The following PCBP2 variants were observed in gnomAD, a reference collection of about 807,000 sequenced individuals.
PCBP2 encodes poly(rC) binding protein 2, also known as poly(rC)-binding protein 2.
PCBP2 carries 4 observed loss-of-function variants against 50.1 expected under a neutral mutation model. The observed-to-expected ratio is 0.08, with a 90% CI of 0.04 to 0.18. The LOEUF is 0.18. Ranked by LOEUF, PCBP2 falls within the 10% of genes least tolerant of loss-of-function variation. PCBP2 has a pLI of 1.00. For synonymous variants in PCBP2, 179 were observed against 168.0 expected, an observed-to-expected ratio of 1.07 and a Z score of -0.51; for missense variants, 161 against 474.3, an observed-to-expected ratio of 0.34 and a Z score of 6.14.
Position 53,480,198 on chromosome 12 carries a change from T to C in PCBP2, c.*756T>C, listed in dbSNP as rs1592701792. 1 of 152,230 alleles carries C rather than the reference T, an allele frequency of 6.6e-6. No individual in the cohort carries two copies. The highest frequency in any genetic ancestry group is 2.1e-4 in the South Asian group (1 of 4,836). 9.4% of individuals were successfully genotyped at this position (152,230 alleles called of 1,614,324 possible). The stretch of plus-strand genomic sequence containing the variant: ...TGACTGGGTTCCAGTTTCTTGGGAA[T>C]GTTGGTCCCCTTGTTCAGGCTTGCA... On this transcript the variant is annotated 3_prime_UTR_variant, in exon 15 of 15. Transcript: ENST00000546463.
chr12:53,457,698 T>G (rs1020586012), intron 5 of PCBP2, among the ~76,000 whole-genome samples: 11 of 152,172 alleles, frequency 7.2e-5, no homozygotes, highest in African/African-American at 2.7e-4. Context: ...ACAAACTGTT[T>G]ATTCCTTAAC....
rs952108319 is a variant in PCBP2, at chr12:53,465,059, ATTTT to A, written c.672+214_672+217del. 5 of 385,704 alleles carry A rather than the reference ATTTT, an allele frequency of 1.3e-5. 1 individual carries two copies. In the South Asian group the frequency reaches 4.2e-4, roughly 33 times the overall value. 23.9% of individuals were successfully genotyped at this position (385,704 alleles called of 1,614,324 possible). A position where few individuals can be genotyped will look rare whatever the true frequency, so the allele number is the denominator to read the frequency against. ...AACACCAACTTTTTTTTTTTTTTTA[ATTTT>A]TTTTTTGTTCAACCCCTCTTCCCCT... On this transcript the variant is annotated intron_variant, in intron 9 of 14. Transcript: ENST00000546463.
At chr12:53,462,646 C>G (rs1941526807) in intron 8 of PCBP2, 79 bp downstream of exon 8, 2 of 1,160,844 alleles carry the variant, frequency 1.7e-6, no homozygotes, top group Admixed American at 3.7e-5. Flanking sequence ...TCACACCAAG[C>G]CACTCTGCAT....
At chr12:53,478,769 G>A (rs1942838443) in intron 14 of PCBP2, among the ~76,000 whole-genome samples, 1 of 152,142 alleles carries the variant, frequency 6.6e-6, no homozygotes, top group South Asian at 2.1e-4. Context: ...TCACATCACT[G>A]TACTCTAGCC....
At chr12:53,461,568 T>C (rs1012054813) in intron 7 of PCBP2, among the ~76,000 whole-genome samples, 2 of 152,202 alleles carry the variant, frequency 1.3e-5, no homozygotes, top group African/African-American at 2.4e-5. Context: ...GAAAAATGTA[T>C]GTATGATGAT....
At chr12:53,477,680 A>AC (rs1408874069) in intron 14 of PCBP2, among the ~76,000 whole-genome samples, 1 of 149,906 alleles carries the variant, frequency 6.7e-6, no homozygotes, top group Non-Finnish European at 1.5e-5. Context: ...AAAAAAAAAA[A>AC]AAAAAAAAAA....
Position 53,479,476 on chromosome 12 carries a change from T to A in PCBP2, c.*34T>A, listed in dbSNP as rs1362002520. On this transcript the variant is annotated 3_prime_UTR_variant, in exon 15 of 15. Coordinates refer to ENST00000546463, the MANE Select transcript of PCBP2 (RefSeq NM_031989.5). ...AGATTCATCCATAATCCCTTTCTGC[T>A]GTTCACCACCACCCATGATCCATCT... 1 of 1,585,256 alleles carries A rather than the reference T, an allele frequency of 6.3e-7. No homozygotes were observed. The highest frequency in any genetic ancestry group is 8.7e-7 in the Non-Finnish European group (1 of 1,154,716).
intron 1 of PCBP2, among the ~76,000 whole-genome samples, chr12:53,453,486 A>G (rs1029096017): frequency 1.3e-5 from 2 of 152,194 alleles, no homozygotes; most frequent in Admixed American, 1.3e-4. Flanking sequence ...AATCACTTAC[A>G]TTCTTGGAGT....
chr12:53,465,298 G>C lies in PCBP2; in HGVS notation c.672+446G>C, dbSNP rs776898760. Among the ~76,000 whole-genome samples, 33 of 151,834 alleles carry C rather than the reference G, an allele frequency of 2.2e-4. 1 individual carries two copies. The highest frequency in any genetic ancestry group is 4.2e-4 in the South Asian group (2 of 4,808). ...CTCCCTTTTTGGGAGGTTATGTTGT[G>C]GGGGGGAGGAGGGCATAGTGGGAGC... On this transcript the variant is annotated intron_variant, in intron 9 of 14. Coordinates refer to ENST00000546463, the MANE Select transcript of PCBP2 (RefSeq NM_031989.5).
chr12:53,455,668 G>A (rs143818376), intron 4 of PCBP2, among the ~76,000 whole-genome samples, 175 bp downstream of exon 4: 516 of 152,066 alleles, frequency 3.4e-3, no homozygotes, highest in Admixed American at 7.1e-3. Flanking sequence ...CCCTTTTTGG[G>A]AAGTGTGGTT....
At position 53,467,867 on chromosome 12, in the gene PCBP2, CTG is replaced by C; in HGVS notation, c.826+26_826+27del. 4 of 1,447,272 alleles carry C rather than the reference CTG, an allele frequency of 2.8e-6. No homozygotes were observed. The South Asian group carries it at 4.6e-5, about 17-fold the overall frequency. The allele number at this position is 1,447,272 out of a possible 1,614,324, so 89.7% of individuals were successfully genotyped here. On this transcript the variant is annotated intron_variant, in intron 12 of 14. Transcript: ENST00000546463. The stretch of plus-strand genomic sequence containing the variant: ...GGGTAATGATTAAAAAAAAAAAAAT[CTG>C]TAGTATTCTACTGTTATATTAATAA...
intron 13 of PCBP2, among the ~76,000 whole-genome samples, chr12:53,471,371 A>G (rs1942221739): frequency 6.6e-6 from 1 of 151,658 alleles, no homozygotes; most frequent in South Asian, 2.1e-4. Context: ...CAAGGTCAAG[A>G]GATTGAGACC....
In PCBP2 at chr12:53,454,712, T is replaced by C. The variant is rs1940860221; in HGVS notation, c.-75-14T>C. 2 of 942,528 alleles carry C rather than the reference T, an allele frequency of 2.1e-6. No individual in the cohort carries two copies. Among genetic ancestry groups the C allele is most frequent in the Admixed American group, 3.7e-5 (2 of 54,462 alleles). The allele number at this position is 942,528 out of a possible 1,614,324, so 58.4% of individuals were successfully genotyped here. A position where few individuals can be genotyped will look rare whatever the true frequency, so the allele number is the denominator to read the frequency against. On this transcript the variant is annotated splice_polypyrimidine_tract_variant and intron_variant, in intron 1 of 14. Coordinates refer to ENST00000546463, the MANE Select transcript of PCBP2 (RefSeq NM_031989.5). ...TGTTTTCCTCCTCTGATTTTGGTCA[T>C]GTTTGCATTTTAGTTTTTGGCTTTC...
intron 9 of PCBP2, 116 bp from the exon 10 acceptor site, chr12:53,465,816 C>T (rs1302745760): frequency 2.6e-6 from 2 of 772,656 alleles, no homozygotes; most frequent in Non-Finnish European, 4.5e-6. Flanking sequence ...AATCTCTGGC[C>T]TCCCCCATTC....
chr12:53,457,479 G>T (rs920497200), intron 5 of PCBP2, among the ~76,000 whole-genome samples: 4 of 152,008 alleles, frequency 2.6e-5, no homozygotes, highest in Non-Finnish European at 4.4e-5. Flanking sequence ...CCCAGTAGGT[G>T]GGACCACAGG....
chr12:53,478,604 G>T (rs1942823645), intron 14 of PCBP2, among the ~76,000 whole-genome samples: 1 of 152,202 alleles, frequency 6.6e-6, no homozygotes, highest in South Asian at 2.1e-4. Context: ...AGGAGTTTAA[G>T]ACCTGCCTGG....
chr12:53,466,481 C>A (rs1014431927), intron 10 of PCBP2, among the ~76,000 whole-genome samples: 1 of 152,198 alleles, frequency 6.6e-6, no homozygotes, highest in Non-Finnish European at 1.5e-5. Flanking sequence ...TCAAACCTTT[C>A]TTGCTGCTAA....
chr12:53,476,068 G>T (rs1942561044), intron 14 of PCBP2: 1 of 152,212 alleles, frequency 6.6e-6, no homozygotes, highest in Admixed American at 6.5e-5. Context: ...GCATTCCTCT[G>T]AATTAGCATT....
rs138473400 is a variant in PCBP2 at position 53,480,297 on chromosome 12, A to G, written c.*855A>G. On this transcript the variant is annotated 3_prime_UTR_variant, in exon 15 of 15. Transcript: ENST00000546463. ...TAGTCCTCCATAACAAGTTAGAAGG[A>G]TGTATCTGCTACCATTTATTCCTAT... 2.8e-4 allele frequency: 43 copies of G among 152,310 alleles called. 1 individual carries two copies. The East Asian group carries it at 7.5e-3, about 27-fold the overall frequency. The allele number at this position is 152,310 out of a possible 1,614,324, so 9.4% of individuals were successfully genotyped here. A position where few individuals can be genotyped will look rare whatever the true frequency, so the allele number is the denominator to read the frequency against.
Sources: allele counts gnomAD v4.1 joint callset (sites outside exome capture counted in the v4.1 genomes callset), GRCh38; gene constraint gnomAD v4.1.1; transcripts MANE v1.5; gene names NCBI Gene and HGNC (gene_info 2026-07-23, HGNC 2026-07-21).